NPHP1: variants seen among roughly 807,000 people sequenced by gnomAD.
NPHP1 encodes nephrocystin-1.
NPHP1 carries 70 observed loss-of-function variants against 90.4 expected under a neutral mutation model. That is an observed-to-expected ratio of 0.77 (90% CI 0.64 to 0.95). The LOEUF (loss-of-function observed/expected upper bound fraction) is 0.95, where lower values mean the gene tolerates loss of function less well. NPHP1 is among the 40% of genes least tolerant of loss of function. The pLI is 0.00. For missense variants in NPHP1, 764 were observed against 795.9 expected (o/e 0.96, Z 0.48); for synonymous variants, 256 against 271.7 (o/e 0.94, Z 0.57).
At chr2:110,125,597 A>C in intron 19 of NPHP1, 40 bp downstream of exon 19, 3 of 1,548,780 alleles carry the variant, frequency 1.9e-6, no homozygotes, top group Non-Finnish European at 2.7e-6. Context: ...AACACCAGGT[A>C]CTGCAAATAT....
intron 2 of NPHP1, among the ~76,000 whole-genome samples, chr2:110,191,250 A>G (rs1198645791): frequency 6.6e-6 from 1 of 152,178 alleles, no homozygotes; most frequent in East Asian, 1.9e-4. Flanking sequence ...GGGACAAGGG[A>G]ATTCCCTTTC....
At chr2:110,204,698 G>C (rs1462590381) in intron 1 of NPHP1, among the ~76,000 whole-genome samples, 1 of 152,088 alleles carries the variant, frequency 6.6e-6, no homozygotes, top group Non-Finnish European at 1.5e-5. Context: ...CTTTGGCTGG[G>C]GGTTGAGTTG....
At position 110,168,474 on chromosome 2, in the gene NPHP1, A is replaced by G; in HGVS notation, c.602T>C (p.Leu201Pro). 6.2e-7 allele frequency: 1 copy of G among 1,612,840 alleles called. No individual in the cohort carries two copies. The highest frequency in any genetic ancestry group is 8.5e-7 in the Non-Finnish European group (1 of 1,178,864). The change falls in exon 6 of 20, where the codon CTT (leucine) becomes CCT (proline). Residue 201 changes from leucine to proline, a missense_variant. Transcript: ENST00000445609. ...AACCTCTAGGTAGGTTCTGGGAACA[A>G]GACCTTCATTTCCTTTGGCATCCTT... ...IAKDAKGNEGLVPRTYLEPYS... is the reference protein window; with the variant it reads ...IAKDAKGNEGPVPRTYLEPYS...
intron 5 of NPHP1, among the ~76,000 whole-genome samples, chr2:110,168,902 ATC>A (rs1258914254): frequency 2.6e-5 from 4 of 152,156 alleles, no homozygotes; most frequent in Non-Finnish European, 5.9e-5. Context: ...ATGTTTTAAT[ATC>A]TCTGGAAAAG....
At chr2:110,153,708 G>A (rs1389304178) in intron 11 of NPHP1, among the ~76,000 whole-genome samples, 1 of 152,076 alleles carries the variant, frequency 6.6e-6, no homozygotes, top group Non-Finnish European at 1.5e-5. Context: ...TGGGGCGGGT[G>A]CGGTAGCTCA....
chr2:110,150,906 C>G (rs1418653394), intron 11 of NPHP1, among the ~76,000 whole-genome samples: 1 of 151,262 alleles, frequency 6.6e-6, no homozygotes, highest in Non-Finnish European at 1.5e-5. Context: ...TGGCTCACGA[C>G]TGTAATCCCA....
intron 16 of NPHP1, among the ~76,000 whole-genome samples, chr2:110,136,224 T>C (rs201594003): frequency 6.6e-6 from 1 of 152,102 alleles, no homozygotes; most frequent in African/African-American, 2.4e-5. Flanking sequence ...TCATAATGAA[T>C]GGACAAAAAC....
chr2:110,137,632 C>T (rs1253725686), intron 16 of NPHP1, among the ~76,000 whole-genome samples: 2 of 152,190 alleles, frequency 1.3e-5, no homozygotes, highest in African/African-American at 4.8e-5. Context: ...GAGATACCAT[C>T]TCACACCAGG....
At chr2:110,135,521 C>T (rs115214923) in intron 16 of NPHP1, among the ~76,000 whole-genome samples, 6,203 of 149,032 alleles carry the variant, frequency 0.042, 432 homozygotes, top group African/African-American at 0.14. Context: ...TCTTTAAGAC[C>T]CTCACACATG....
intron 6 of NPHP1, 43 bp from the exon 7 acceptor site, chr2:110,165,198 A>C: frequency 6.9e-7 from 1 of 1,449,056 alleles, no homozygotes; most frequent in Non-Finnish European, 9.7e-7. Flanking sequence ...AACTAATGCA[A>C]AAAACAACCA....
chr2:110,144,510 G>C lies in NPHP1; in HGVS notation c.1412C>G (p.Pro471Arg), dbSNP rs1680874307. Residue 471 changes from proline to arginine, a missense_variant, in exon 15 of 20, where the codon CCT becomes CGT. By Grantham distance (103) the Pro-to-Arg change is moderately radical. Transcript: ENST00000445609. ...TPYEKGIEVD[P>R]SISRRAHGSV... ...AGCCATACCTCTTCTGGATATTGAA[G>C]GGTCCACTTCAATACCTTTTTCATA... 1 of 1,605,320 alleles carries C rather than the reference G, an allele frequency of 6.2e-7. No individual in the cohort carries two copies. Among genetic ancestry groups the C allele is most frequent in the Admixed American group, 1.7e-5 (1 of 59,994 alleles).
intron 15 of NPHP1, chr2:110,144,184 G>T: frequency 2.6e-6 from 1 of 391,322 alleles, no homozygotes; most frequent in African/African-American, 2.0e-5. Flanking sequence ...TCAAATGTCT[G>T]CATCCTTTGA....
chr2:110,148,530 T>TCACACTTTTAAAA (rs1681236243), intron 12 of NPHP1, among the ~76,000 whole-genome samples: 2 of 152,180 alleles, frequency 1.3e-5, no homozygotes, highest in African/African-American at 4.8e-5. Flanking sequence ...GCCTTTGCAT[T>TCACACTTTTAAAA]ATAATAAAAG....
chr2:110,156,380 T>C (rs533584128), intron 11 of NPHP1, among the ~76,000 whole-genome samples: 1 of 152,292 alleles, frequency 6.6e-6, no homozygotes, highest in Non-Finnish European at 1.5e-5. Flanking sequence ...TCTGCCATGA[T>C]TGTGAGGCCT....
chr2:110,174,760 C>G (rs1196041607), intron 4 of NPHP1, among the ~76,000 whole-genome samples: 1 of 151,222 alleles, frequency 6.6e-6, no homozygotes, highest in Non-Finnish European at 1.5e-5. Flanking sequence ...AGCTCTCATA[C>G]AGGAAAGTGT....
rs1328392742 is a variant in NPHP1, at chr2:110,129,267, G to T, written c.1643-8C>A. On this transcript the variant is annotated splice_polypyrimidine_tract_variant and splice_region_variant and intron_variant, in intron 17 of 19. Coordinates refer to ENST00000445609, the MANE Select transcript of NPHP1 (RefSeq NM_001128178.3). ...TGGGATGGCTAATTAAATCTGAAAT[G>T]CAAAACAACAGAAAGAATTTTATGC... is the stretch of plus-strand genomic sequence containing the variant. 6.2e-6 allele frequency: 10 copies of T among 1,608,438 alleles called. No individual in the cohort carries two copies. The highest frequency in any genetic ancestry group is 1.7e-5 in the Admixed American group (1 of 59,940).
At chr2:110,193,073 C>A (rs1174255556) in intron 2 of NPHP1, among the ~76,000 whole-genome samples, 1 of 152,148 alleles carries the variant, frequency 6.6e-6, no homozygotes, top group Admixed American at 6.5e-5. Context: ...TGAAGACCAT[C>A]GAGGCTAGGA....
At chr2:110,142,337 T>C (rs1346073822) in intron 16 of NPHP1, among the ~76,000 whole-genome samples, 5 of 151,946 alleles carry the variant, frequency 3.3e-5, no homozygotes, top group African/African-American at 1.2e-4. Flanking sequence ...ATGCATTTAA[T>C]ACACTTAGAC....
At chr2:110,148,158 G>A (rs1681206603) in intron 12 of NPHP1, 132 bp from the exon 13 acceptor site, 1 of 718,286 alleles carries the variant, frequency 1.4e-6, no homozygotes, top group Admixed American at 2.0e-5. Context: ...GAGGCCTGGT[G>A]GGAGGTGTTT....
Sources: gnomAD v4.1 joint callset for allele counts (sites outside exome capture counted in the v4.1 genomes callset) on GRCh38, gnomAD v4.1.1 for gene constraint, MANE v1.5 for transcripts, NCBI Gene and HGNC (gene_info 2026-07-23, HGNC 2026-07-21) for gene names.